The following THSD7B variants were observed in gnomAD, a reference collection of about 807,000 sequenced individuals.
The protein encoded by THSD7B is thrombospondin type-1 domain-containing protein 7B.
A neutral mutation model predicts 213.6 loss-of-function variants in THSD7B; 138 were observed. The observed-to-expected ratio is 0.65, with a 90% CI of 0.56 to 0.74. THSD7B has a LOEUF of 0.74. Among genes scored for constraint, THSD7B ranks in the 30% least tolerant of loss-of-function variants. The probability of loss-of-function intolerance (pLI) is 0.00; values close to 1 mark genes in which losing one functional copy is unlikely to be tolerated. For synonymous variants in THSD7B, 742 were observed against 687.0 expected (o/e 1.08, Z -1.25); for missense variants, 1,931 against 1,991.5 (o/e 0.97, Z 0.58).
At chr2:137,577,363 T>G (rs1391104598) in intron 17 of THSD7B, among the ~76,000 whole-genome samples, 1 of 152,084 alleles carries the variant, frequency 6.6e-6, no homozygotes, top group Non-Finnish European at 1.5e-5. Flanking sequence ...GCTCCTCAAG[T>G]TTTTGATATT....
chr2:136,802,871 C>T (rs1339449368), intron 1 of THSD7B, among the ~76,000 whole-genome samples: 1 of 151,534 alleles, frequency 6.6e-6, no homozygotes, highest in African/African-American at 2.4e-5. Context: ...GAATTATTAA[C>T]ACCATTATTT....
At chr2:136,833,433 A>ATTTTTT (rs56778387) in intron 1 of THSD7B, among the ~76,000 whole-genome samples, 11,731 of 111,806 alleles carry the variant, frequency 0.1, 945 homozygotes, top group African/African-American at 0.18. Flanking sequence ...ATTATTTTCT[A>ATTTTTT]TTTTTTTTTT....
chr2:137,546,423 ATT>A (rs1491536228), intron 15 of THSD7B, among the ~76,000 whole-genome samples: 8,385 of 42,772 alleles, frequency 0.2, 1,953 homozygotes, highest in South Asian at 0.29. Flanking sequence ...TATTATATAT[ATT>A]ATATATATAT....
intron 26 of THSD7B, among the ~76,000 whole-genome samples, chr2:137,664,528 T>G (rs1172701942): frequency 2.0e-5 from 3 of 152,162 alleles, no homozygotes; most frequent in African/African-American, 7.2e-5. Flanking sequence ...GAATGGACAT[T>G]TATTAGATGC....
chr2:137,359,212 C>T (rs560147437), intron 12 of THSD7B, among the ~76,000 whole-genome samples: 49 of 152,256 alleles, frequency 3.2e-4, no homozygotes, highest in African/African-American at 1.1e-3. Context: ...AAAATTGTAT[C>T]CAACCTTCAG....
intron 5 of THSD7B, 75 bp from the exon 6 acceptor site, chr2:137,160,138 A>T: frequency 1.4e-6 from 2 of 1,443,958 alleles, no homozygotes; most frequent in Non-Finnish European, 1.9e-6. Context: ...CAAGACAGGC[A>T]TGCAAATAAA....
chr2:137,391,415 G>A (rs1686023951), intron 12 of THSD7B, among the ~76,000 whole-genome samples: 1 of 152,044 alleles, frequency 6.6e-6, no homozygotes, highest in South Asian at 2.1e-4. Context: ...CAGGCCAGGT[G>A]CAGTGGCTCA....
At position 137,411,909 on chromosome 2, in the gene THSD7B, TCACA is replaced by T. The variant is rs753501720; in HGVS notation, c.2959+42_2959+45del. On this transcript the variant is annotated intron_variant, in intron 14 of 27. Coordinates refer to ENST00000409968, the MANE Select transcript of THSD7B (RefSeq NM_001316349.2). ...GATGGAGAGTAACAGATGAGAACACTCACACACAGCTCGGGAGGTTTGTCTCAGG... is the reference window on the plus strand; with the variant it reads ...GATGGAGAGTAACAGATGAGAACACTCACAGCTCGGGAGGTTTGTCTCAGG... 3 of 1,607,048 alleles carry T rather than the reference TCACA, an allele frequency of 1.9e-6. No individual in the cohort carries two copies. The African/African-American group carries it at 4.0e-5, about 21-fold the overall frequency.
At chr2:137,320,349 A>T (rs1684235231) in intron 12 of THSD7B, among the ~76,000 whole-genome samples, 1 of 152,206 alleles carries the variant, frequency 6.6e-6, no homozygotes, top group Non-Finnish European at 1.5e-5. Flanking sequence ...ATACTGTGTC[A>T]TACTTATCCA....
intron 15 of THSD7B, among the ~76,000 whole-genome samples, chr2:137,508,580 G>A (rs1164614143): frequency 2.0e-5 from 3 of 149,436 alleles, no homozygotes; most frequent in Admixed American, 6.7e-5. Flanking sequence ...TAGTGGAGAC[G>A]GGGTTTCACC....
intron 10 of THSD7B, 52 bp downstream of exon 10, chr2:137,242,624 C>A: frequency 7.1e-7 from 1 of 1,399,172 alleles, no homozygotes; most frequent in Non-Finnish European, 1.0e-6. Context: ...GATTGTTTCT[C>A]CACATCTAAG....
intron 5 of THSD7B, among the ~76,000 whole-genome samples, chr2:137,145,576 G>T (rs1679679956): frequency 6.6e-6 from 1 of 152,020 alleles, no homozygotes; most frequent in African/African-American, 2.4e-5. Context: ...TATCTGAAAA[G>T]CCATGACTAC....
chr2:137,583,662 T>C (rs1681639401), intron 17 of THSD7B, among the ~76,000 whole-genome samples: 1 of 152,204 alleles, frequency 6.6e-6, no homozygotes, highest in African/African-American at 2.4e-5. Context: ...TGTGTGGTAT[T>C]ATTTCTGAGG....
chr2:136,896,955 TA>T (rs1214508728), intron 2 of THSD7B, among the ~76,000 whole-genome samples: 7 of 100,124 alleles, frequency 7.0e-5, no homozygotes, highest in African/African-American at 1.5e-4. Context: ...TATATATATA[TA>T]TTTTTTTAAG....
At chr2:137,486,590 A>G (rs1290018914) in intron 15 of THSD7B, among the ~76,000 whole-genome samples, 2 of 148,820 alleles carry the variant, frequency 1.3e-5, no homozygotes, top group South Asian at 2.1e-4. Context: ...TCAACGAGAC[A>G]GAAAGTTAAC....
In THSD7B at chr2:137,675,449, C is replaced by CAT. The variant is rs1558880398; in HGVS notation, c.4740-1075_4740-1074insAT. Among the ~76,000 whole-genome samples the CAT allele has an allele frequency of 3.2e-3, 360 of 111,706 alleles. 3 individuals are homozygous for CAT. Among genetic ancestry groups the CAT allele is most frequent in the African/African-American group, 0.013 (333 of 25,288 alleles). The allele number at this position is 111,706 out of a possible 152,430, so 73.3% of individuals were successfully genotyped here. Reference sequence around the variant, plus strand: ...ATATATATATATATATATATATATGCGGACAGTGTGGTGAAAAGGTTAAAA... The same window carrying CAT: ...ATATATATATATATATATATATATGCATGGACAGTGTGGTGAAAAGGTTAAAA... On this transcript the variant is annotated intron_variant, in intron 27 of 27. Coordinates refer to ENST00000409968, the MANE Select transcript of THSD7B (RefSeq NM_001316349.2).
intron 2 of THSD7B, among the ~76,000 whole-genome samples, chr2:136,974,198 A>T (rs964355250): frequency 2.6e-4 from 40 of 152,116 alleles, no homozygotes; most frequent in Non-Finnish European, 8.8e-5. Flanking sequence ...GTTTTACTTT[A>T]AAAAATTTTT....
At position 136,888,944 on chromosome 2, in the gene THSD7B, G is replaced by GGTGT. The variant is rs5834520; in HGVS notation, c.139+6649_139+6652dup. ...TAAAATAAGGGACACTGTCTTTTGG[G>GGTGT]GTGTGTGTGTGTGTGTGTGTGTGTG... On this transcript the variant is annotated intron_variant, in intron 2 of 27. Coordinates refer to ENST00000409968, the MANE Select transcript of THSD7B (RefSeq NM_001316349.2). Among the ~76,000 whole-genome samples the GGTGT allele has an allele frequency of 7.4e-4, 54 of 72,870 alleles. 1 individual carries two copies. The highest frequency in any genetic ancestry group is 1.2e-3 in the African/African-American group (34 of 28,062). 47.8% of individuals were successfully genotyped at this position (72,870 alleles called of 152,430 possible).
intron 6 of THSD7B, among the ~76,000 whole-genome samples, chr2:137,166,492 G>A (rs149515578): frequency 6.6e-6 from 1 of 152,256 alleles, no homozygotes; most frequent in Non-Finnish European, 1.5e-5. Context: ...GGAATTTGCT[G>A]GAGGCTCCCT....
Sources: gnomAD v4.1 joint callset for allele counts (sites outside exome capture counted in the v4.1 genomes callset) on GRCh38, gnomAD v4.1.1 for gene constraint, MANE v1.5 for transcripts, NCBI Gene and HGNC (gene_info 2026-07-23, HGNC 2026-07-21) for gene names.